PPP2R5E: variants seen among roughly 807,000 people sequenced by gnomAD.
PPP2R5E encodes the protein protein phosphatase 2 regulatory subunit B'epsilon.
PPP2R5E carries 4 observed loss-of-function variants against 65.3 expected under a neutral mutation model. The observed-to-expected ratio is 0.06, with a 90% CI of 0.03 to 0.14. PPP2R5E has a LOEUF of 0.14. Ranked by LOEUF, PPP2R5E falls within the 10% of genes least tolerant of loss-of-function variation. The pLI is 1.00. For synonymous variants in PPP2R5E, 183 were observed against 187.4 expected (o/e 0.98, Z 0.19); for missense variants, 274 against 556.1 (o/e 0.49, Z 5.10).
At chr14:63,432,500 G>A (rs1476514353) in intron 3 of PPP2R5E, among the ~76,000 whole-genome samples, 1 of 152,198 alleles carries the variant, frequency 6.6e-6, no homozygotes, top group Non-Finnish European at 1.5e-5. Context: ...CAGATCAAAT[G>A]TAAATATAGG....
intron 2 of PPP2R5E, among the ~76,000 whole-genome samples, chr14:63,505,677 A>G (rs1439178972): frequency 2.0e-5 from 3 of 152,188 alleles, no homozygotes; most frequent in Admixed American, 6.5e-5. Flanking sequence ...AAGACCAACA[A>G]TCTGGACCAG....
chr14:63,473,439 A>AGGCAGAAAACTCAGGATAGGAAGG (rs1890231023), intron 2 of PPP2R5E, among the ~76,000 whole-genome samples: 1 of 152,220 alleles, frequency 6.6e-6, no homozygotes, highest in African/African-American at 2.4e-5. Context: ...CTCAACAATG[A>AGGCAGAAAACTCAGGATAGGAAGG]GGCAGAAAAC....
intron 13 of PPP2R5E, among the ~76,000 whole-genome samples, chr14:63,379,105 T>C (rs1170640279): frequency 6.6e-6 from 1 of 151,738 alleles, no homozygotes; most frequent in East Asian, 1.9e-4. Context: ...CTCGGCTCAC[T>C]GCAAGCTCTG....
chr14:63,385,427 C>T (rs1264017843), intron 11 of PPP2R5E, among the ~76,000 whole-genome samples: 1 of 152,128 alleles, frequency 6.6e-6, no homozygotes, highest in East Asian at 1.9e-4. Flanking sequence ...TCTAATTCTG[C>T]CCATGTCATC....
intron 2 of PPP2R5E, among the ~76,000 whole-genome samples, chr14:63,510,437 T>C (rs1892404358): frequency 6.6e-6 from 1 of 152,124 alleles, no homozygotes; most frequent in African/African-American, 2.4e-5. Flanking sequence ...GGATAGAAAA[T>C]AAACAACTGT....
intron 2 of PPP2R5E, among the ~76,000 whole-genome samples, chr14:63,463,230 A>G (rs1456229637): frequency 6.7e-6 from 1 of 149,734 alleles, no homozygotes; most frequent in Non-Finnish European, 1.5e-5. Flanking sequence ...ACCTCCGCCT[A>G]CTGGGTTCAA....
intron 3 of PPP2R5E, among the ~76,000 whole-genome samples, chr14:63,450,100 T>C (rs1888728802): frequency 1.3e-5 from 2 of 152,108 alleles, no homozygotes; most frequent in Non-Finnish European, 2.9e-5. Context: ...AGTCTCAAAC[T>C]CCTGGCCTCA....
rs1312301787 is a variant in PPP2R5E, at chr14:63,500,205, TA to T, written c.157+39323del. ...AGTCTATGAGAAATAAATGTGTTTT[TA>T]AAAAATTAGTTTCAAAAGCAACTTT... is the stretch of plus-strand genomic sequence containing the variant. On this transcript the variant is annotated intron_variant, in intron 2 of 13. Transcript: ENST00000337537. Among the ~76,000 whole-genome samples the T allele has an allele frequency of 3.3e-5, 5 of 152,220 alleles. No individual in the cohort carries two copies. The South Asian group carries it at 1.0e-3, about 31-fold the overall frequency.
At chr14:63,514,677 A>G (rs2139706065) in intron 2 of PPP2R5E, among the ~76,000 whole-genome samples, 1 of 152,294 alleles carries the variant, frequency 6.6e-6, no homozygotes, top group East Asian at 1.9e-4. Flanking sequence ...TAAGCAGCGA[A>G]GATGAGAGGG....
chr14:63,469,702 C>A (rs889435105), intron 2 of PPP2R5E, among the ~76,000 whole-genome samples: 1 of 152,006 alleles, frequency 6.6e-6, no homozygotes, highest in South Asian at 2.1e-4. Context: ...TCAAAAAAAT[C>A]AAGTAAAGTA....
At chr14:63,497,576 C>T (rs186190043) in intron 2 of PPP2R5E, among the ~76,000 whole-genome samples, 3 of 151,072 alleles carry the variant, frequency 2.0e-5, no homozygotes, top group Non-Finnish European at 3.0e-5. Context: ...TGGTGAAACC[C>T]GTCTCTACAA....
At chr14:63,521,200 C>G (rs1380077811) in intron 2 of PPP2R5E, among the ~76,000 whole-genome samples, 3 of 152,002 alleles carry the variant, frequency 2.0e-5, no homozygotes, top group Admixed American at 2.0e-4. Flanking sequence ...AAAATAAATC[C>G]CAGTTACTTG....
Position 63,375,855 on chromosome 14 carries a change from TTTAC to T in PPP2R5E, c.*150_*153del. 1 of 453,394 alleles carries T rather than the reference TTTAC, an allele frequency of 2.2e-6. No individual in the cohort carries two copies. The highest frequency in any genetic ancestry group is 3.5e-5 in the East Asian group (1 of 28,270). The allele number at this position is 453,394 out of a possible 1,614,324, so 28.1% of individuals were successfully genotyped here. A position where few individuals can be genotyped will look rare whatever the true frequency, so the allele number is the denominator to read the frequency against. ...TTGAAGTCCTTATTTTGTTTTTTCC[TTTAC>T]TTAGAGACAGGTATATACAGTGCTG... On this transcript the variant is annotated 3_prime_UTR_variant, in exon 14 of 14. Coordinates refer to ENST00000337537, the MANE Select transcript of PPP2R5E (RefSeq NM_006246.5).
At chr14:63,441,766 C>T (rs552515927) in intron 3 of PPP2R5E, among the ~76,000 whole-genome samples, 3 of 152,020 alleles carry the variant, frequency 2.0e-5, no homozygotes. Flanking sequence ...AAAAATTACT[C>T]GGGTGTGGTG....
At chr14:63,508,345 T>C in intron 2 of PPP2R5E, 4 of 397,916 alleles carry the variant, frequency 1.0e-5, no homozygotes, top group Non-Finnish European at 1.4e-5. Context: ...ACTGCATATA[T>C]TCGCTAGTTT....
intron 5 of PPP2R5E, 132 bp downstream of exon 5, chr14:63,415,008 T>C (rs879597579): frequency 1.5e-5 from 7 of 457,140 alleles, no homozygotes; most frequent in Admixed American, 8.2e-5. Flanking sequence ...AATTAACTTA[T>C]GTTTATATAT....
chr14:63,407,673 T>C, intron 5 of PPP2R5E, among the ~76,000 whole-genome samples: 1 of 152,254 alleles, frequency 6.6e-6, no homozygotes, highest in African/African-American at 2.4e-5. Flanking sequence ...TGTTAATGCA[T>C]ATTGCTATAG....
At chr14:63,534,165 GTGTGTGTT>G (rs1468905391) in intron 2 of PPP2R5E, among the ~76,000 whole-genome samples, 3 of 152,144 alleles carry the variant, frequency 2.0e-5, no homozygotes, top group African/African-American at 7.2e-5. Flanking sequence ...ATAAATTTGT[GTGTGTGTT>G]TGTGTGTTTG....
chr14:63,406,763 G>C (rs1282162612), intron 5 of PPP2R5E, among the ~76,000 whole-genome samples: 2 of 152,196 alleles, frequency 1.3e-5, no homozygotes, highest in East Asian at 3.8e-4. Flanking sequence ...AGTTGGCAAA[G>C]TGGAACTGAA....
Sources: gnomAD v4.1 joint callset for allele counts (sites outside exome capture counted in the v4.1 genomes callset) on GRCh38, gnomAD v4.1.1 for gene constraint, MANE v1.5 for transcripts, NCBI Gene and HGNC (gene_info 2026-07-23, HGNC 2026-07-21) for gene names.